The following GASK1A variants were observed in gnomAD, a reference collection of about 807,000 sequenced individuals.
The protein encoded by GASK1A is Golgi-associated kinase 1A.
In GASK1A, 40 loss-of-function variants were observed where a neutral mutation model predicts 41.2. The ratio of observed to expected loss-of-function variants is 0.97; its 90% CI spans 0.75 to 1.27. GASK1A has a LOEUF of 1.27. Among genes scored for constraint, GASK1A ranks in the 50% most tolerant of loss-of-function variants. The pLI, the probability that GASK1A is intolerant of heterozygous loss-of-function variation, is 0.00. For missense variants in GASK1A, 678 were observed against 745.1 expected, an observed-to-expected ratio of 0.91 and a Z score of 1.05; for synonymous variants, 316 against 307.1, an observed-to-expected ratio of 1.03 and a Z score of -0.30.
At chr3:42,999,003 G>A (rs892167816) in intron 1 of GASK1A, among the ~76,000 whole-genome samples, 1 of 152,012 alleles carries the variant, frequency 6.6e-6, no homozygotes, top group African/African-American at 2.4e-5. Flanking sequence ...GTGTGTGCGT[G>A]TGTGTGTACA....
chr3:43,053,567 C>T lies in GASK1A; in HGVS notation c.1337C>T (p.Pro446Leu), dbSNP rs1334084430. The change falls in exon 3 of 5, where the codon CCC (proline) becomes CTC (leucine). Residue 446 changes from proline (P) to leucine (L), a missense_variant. By Grantham distance (98) the Pro-to-Leu change is moderately conservative (BLOSUM62 -3). Coordinates refer to ENST00000430121, the MANE Select transcript of GASK1A (RefSeq NM_001129908.3). ...DRYCCGFEPE[P>L]SDPCVEERLR... is the part of the protein sequence containing the mutation. ...TACTGCTGTGGCTTCGAGCCTGAGC[C>T]CTCAGACCCCTGTGTGGAAGAGAGG... The T allele has an allele frequency of 6.4e-7, 1 of 1,551,588 alleles. No individual in the cohort carries two copies. Among genetic ancestry groups the T allele is most frequent in the African/African-American group, 1.4e-5 (1 of 73,054 alleles).
At chr3:43,005,507 A>G (rs929907891) in intron 1 of GASK1A, among the ~76,000 whole-genome samples, 1 of 152,188 alleles carries the variant, frequency 6.6e-6, no homozygotes, top group African/African-American at 2.4e-5. Context: ...GCCCATTAGT[A>G]ACTTAGTAGC....
intron 1 of GASK1A, among the ~76,000 whole-genome samples, chr3:43,005,321 C>A (rs2125678049): frequency 6.6e-6 from 1 of 152,284 alleles, no homozygotes; most frequent in South Asian, 2.1e-4. Flanking sequence ...GTTTCAGTTA[C>A]CCAAGGTTAC....
chr3:43,009,746 C>G (rs775981703), intron 1 of GASK1A, among the ~76,000 whole-genome samples: 16 of 152,186 alleles, frequency 1.1e-4, no homozygotes, highest in Non-Finnish European at 2.1e-4. Flanking sequence ...GTGGAGACCT[C>G]AGGTGGTGGC....
At chr3:43,018,800 A>G (rs938840343) in intron 1 of GASK1A, among the ~76,000 whole-genome samples, 2 of 152,236 alleles carry the variant, frequency 1.3e-5, no homozygotes, top group Non-Finnish European at 2.9e-5. Flanking sequence ...TCCTGAACAG[A>G]TAAGCCCCCT....
intron 1 of GASK1A, among the ~76,000 whole-genome samples, chr3:43,006,126 TAGA>T (rs1408942142): frequency 1.3e-5 from 2 of 152,154 alleles, no homozygotes; most frequent in African/African-American, 4.8e-5. Flanking sequence ...TTCCTCTTAA[TAGA>T]CTCAAGCACA....
At chr3:42,994,887 G>A (rs2089361731) in intron 1 of GASK1A, among the ~76,000 whole-genome samples, 1 of 152,162 alleles carries the variant, frequency 6.6e-6, no homozygotes, top group Non-Finnish European at 1.5e-5. Context: ...CTCCAGAGTT[G>A]TCCAACAGAA....
intron 1 of GASK1A, among the ~76,000 whole-genome samples, chr3:42,983,187 G>A (rs546945464): frequency 2.6e-5 from 4 of 152,114 alleles, no homozygotes; most frequent in South Asian, 2.1e-4. Context: ...CTGGGTAAGC[G>A]CTGCCTTGCT....
chr3:43,015,961 A>G, intron 1 of GASK1A, among the ~76,000 whole-genome samples: 1 of 151,280 alleles, frequency 6.6e-6, no homozygotes, highest in East Asian at 2.0e-4. Flanking sequence ...GTCTGTGTGA[A>G]GCCACAGGAA....
rs2089719852 is a variant in GASK1A at position 43,057,065 on chromosome 3, A to G, written c.*679A>G. 6.6e-6 allele frequency: 1 copy of G among 152,256 alleles called. No individual in the cohort carries two copies. The highest frequency in any genetic ancestry group is 2.4e-5 in the African/African-American group (1 of 41,470). 9.4% of individuals were successfully genotyped at this position (152,256 alleles called of 1,614,324 possible). A position where few individuals can be genotyped will look rare whatever the true frequency, so the allele number is the denominator to read the frequency against. ...GGTCACACTACATGCAAATTAAAAA[A>G]TGAAAGTGTGGTCATGCTTTGTCAA... On this transcript the variant is annotated 3_prime_UTR_variant, in exon 5 of 5. Coordinates refer to ENST00000430121, the MANE Select transcript of GASK1A (RefSeq NM_001129908.3).
intron 1 of GASK1A, among the ~76,000 whole-genome samples, chr3:42,982,950 A>G (rs1231216745): frequency 6.6e-6 from 1 of 152,206 alleles, no homozygotes; most frequent in Non-Finnish European, 1.5e-5. Flanking sequence ...CTCAGAGGAC[A>G]AGTAGCTGAA....
chr3:43,010,279 G>A (rs1363136207), intron 1 of GASK1A, among the ~76,000 whole-genome samples: 3 of 152,130 alleles, frequency 2.0e-5, no homozygotes, highest in Middle Eastern at 3.2e-3. Flanking sequence ...AGGTGAACTC[G>A]TACTCAGATA....
Position 43,033,294 on chromosome 3 carries a change from T to C in GASK1A, c.1031T>C (p.Leu344Pro). ...VDRVLGLRRSLPAVARRFHSP... is the reference protein window; with the variant it reads ...VDRVLGLRRSPPAVARRFHSP... ...CGTGTGCTGGGGCTGCGCCGGAGCC[T>C]ACCTGCTGTGGCCCGCCGCTTCCAT... Residue 344 changes from leucine to proline, a missense_variant, in exon 2 of 5, where the codon CTA (leucine) becomes CCA (proline). Coordinates refer to ENST00000430121, the MANE Select transcript of GASK1A (RefSeq NM_001129908.3). 6.4e-7 allele frequency: 1 copy of C among 1,551,476 alleles called. No homozygotes were observed. The highest frequency in any genetic ancestry group is 8.7e-7 in the Non-Finnish European group (1 of 1,146,936).
rs573038362 is a variant in GASK1A at position 43,056,161 on chromosome 3, G to C, written c.1518-15G>C. 11 of 1,542,618 alleles carry C rather than the reference G, an allele frequency of 7.1e-6. No individual in the cohort carries two copies. Among genetic ancestry groups the C allele is most frequent in the Non-Finnish European group, 9.6e-6 (11 of 1,140,144 alleles). ...TTTTTCTTTCTGTTACGGGGCTCTGGGGCCTTTGCTCCAGGTTTCCTGAGT... is the reference window on the plus strand; with the variant it reads ...TTTTTCTTTCTGTTACGGGGCTCTGCGGCCTTTGCTCCAGGTTTCCTGAGT... On this transcript the variant is annotated splice_polypyrimidine_tract_variant and intron_variant, in intron 4 of 4. Transcript: ENST00000430121.
At chr3:42,988,052 GTA>G (rs1271110366) in intron 1 of GASK1A, among the ~76,000 whole-genome samples, 1 of 144,314 alleles carries the variant, frequency 6.9e-6, no homozygotes, top group African/African-American at 2.6e-5. Flanking sequence ...ATAATTGTGT[GTA>G]CGGGTTTATT....
At chr3:43,054,293 T>G (rs138635172) in intron 3 of GASK1A, 82 of 156,786 alleles carry the variant, frequency 5.2e-4, no homozygotes, top group Admixed American at 9.9e-4. Context: ...AGGGATGGGC[T>G]TCAGGGAGGC....
intron 1 of GASK1A, among the ~76,000 whole-genome samples, chr3:43,018,542 T>A (rs2089505959): frequency 6.6e-6 from 1 of 152,214 alleles, no homozygotes; most frequent in African/African-American, 2.4e-5. Flanking sequence ...ATTAGTAAGC[T>A]GCTTCTGATG....
intron 2 of GASK1A, among the ~76,000 whole-genome samples, chr3:43,038,598 C>CT (rs1339367052): frequency 1.0e-3 from 14 of 13,540 alleles, no homozygotes; most frequent in African/African-American, 2.2e-3. Flanking sequence ...ACTCTTTGAT[C>CT]TTTAAAAAAA....
At chr3:42,997,917 C>T (rs146052575) in intron 1 of GASK1A, among the ~76,000 whole-genome samples, 93 of 152,218 alleles carry the variant, frequency 6.1e-4, no homozygotes, top group Non-Finnish European at 1.0e-3. Flanking sequence ...TTCTGGGGCT[C>T]GGTCCTGCTG....
Sources: allele counts gnomAD v4.1 joint callset (sites outside exome capture counted in the v4.1 genomes callset), GRCh38; gene constraint gnomAD v4.1.1; transcripts MANE v1.5; gene names NCBI Gene and HGNC (gene_info 2026-07-23, HGNC 2026-07-21).